RASAL2: variants seen among roughly 807,000 people sequenced by gnomAD.
RASAL2 encodes ras GTPase-activating protein nGAP.
In RASAL2, 58 loss-of-function variants were observed where a neutral mutation model predicts 128.9. The observed-to-expected ratio is 0.45, with a 90% CI of 0.36 to 0.56. The LOEUF (loss-of-function observed/expected upper bound fraction) is 0.56. Ranked by LOEUF, RASAL2 falls within the 20% of genes least tolerant of loss-of-function variation. The pLI is 0.00. For missense variants in RASAL2, 1,360 were observed against 1,601.6 expected (o/e 0.85, Z 2.57); for synonymous variants, 561 against 580.8 (o/e 0.97, Z 0.49).
At chr1:178,164,736 T>C (rs1452478459) in intron 1 of RASAL2, among the ~76,000 whole-genome samples, 10 of 151,714 alleles carry the variant, frequency 6.6e-5, no homozygotes, top group Non-Finnish European at 1.0e-4. Context: ...GGTGGAGTGA[T>C]ATGTTGTCAA....
intron 14 of RASAL2, among the ~76,000 whole-genome samples, chr1:178,458,942 G>C (rs78258029): frequency 0.024 from 3,613 of 152,126 alleles, 64 homozygotes; most frequent in Middle Eastern, 0.058. Context: ...CAGAATAAAG[G>C]TTTGCATTCC....
chr1:178,094,385 T>A lies in RASAL2; in HGVS notation c.-108T>A, dbSNP rs375763275. 140 of 1,096,268 alleles carry A rather than the reference T, an allele frequency of 1.3e-4. No individual in the cohort carries two copies. Among genetic ancestry groups the A allele is most frequent in the Middle Eastern group, 9.2e-4 (3 of 3,252 alleles). 67.9% of individuals were successfully genotyped at this position (1,096,268 alleles called of 1,614,324 possible). On this transcript the variant is annotated 5_prime_UTR_variant, in exon 1 of 18. Coordinates refer to ENST00000367649, the MANE Select transcript of RASAL2 (RefSeq NM_170692.4). ...CCGCGCCGGCTGCCGCTCGGGTCCC[T>A]GCCCTCGCTGCGCGCTCTCCTCCTC...
chr1:178,274,621 C>T (rs539628028), intron 1 of RASAL2, among the ~76,000 whole-genome samples: 1 of 152,250 alleles, frequency 6.6e-6, no homozygotes, highest in Admixed American at 6.5e-5. Context: ...GGGTCTTGCT[C>T]TGTCACCCAG....
intron 1 of RASAL2, among the ~76,000 whole-genome samples, chr1:178,137,667 G>A (rs986117779): frequency 2.0e-5 from 3 of 152,130 alleles, no homozygotes; most frequent in Admixed American, 2.0e-4. Flanking sequence ...AAAAGTTTTG[G>A]AATTTCATTT....
intron 1 of RASAL2, among the ~76,000 whole-genome samples, chr1:178,124,448 A>C (rs1659821961): frequency 6.6e-6 from 1 of 152,194 alleles, no homozygotes; most frequent in African/African-American, 2.4e-5. Context: ...AAGGGTAAGT[A>C]CCTAGGCTGA....
chr1:178,146,570 ATCT>A (rs1358085088), intron 1 of RASAL2, among the ~76,000 whole-genome samples: 1 of 152,364 alleles, frequency 6.6e-6, no homozygotes. Context: ...CTTGGAAAAC[ATCT>A]TCTTGTCTCA....
In RASAL2 at chr1:178,300,005, G is replaced by C; in HGVS notation, c.344G>C (p.Gly115Ala). The change falls in exon 3 of 18, where the codon GGG (glycine) becomes GCG (alanine). Residue 115 changes from glycine to alanine, a missense_variant. Around this residue, in one of 3 missense-constraint regions of RASAL2, gnomAD observed 617 missense variants for 714.2 expected, o/e 0.86. Coordinates refer to ENST00000367649, the MANE Select transcript of RASAL2 (RefSeq NM_170692.4). ...TTGATTAACTAGATACCTGTGGAAG[G>C]GGGACAGGAGCAGCAGACAGATTCC... is the stretch of plus-strand genomic sequence containing the variant. ...LNKEKEIPVE[G>A]GQEQQTDSTK... 5 of 1,613,762 alleles carry C rather than the reference G, an allele frequency of 3.1e-6. No homozygotes were observed. Among genetic ancestry groups the C allele is most frequent in the Non-Finnish European group, 4.2e-6 (5 of 1,179,896 alleles).
intron 1 of RASAL2, among the ~76,000 whole-genome samples, chr1:178,206,562 G>C (rs1663056344): frequency 6.6e-6 from 1 of 152,180 alleles, no homozygotes; most frequent in Admixed American, 6.5e-5. Context: ...GGCATAGAAA[G>C]CTTCCTGGCT....
chr1:178,329,209 A>G (rs1320704120), intron 3 of RASAL2, among the ~76,000 whole-genome samples: 1 of 152,210 alleles, frequency 6.6e-6, no homozygotes, highest in African/African-American at 2.4e-5. Context: ...AAAAAAGGTA[A>G]GGTAAAAGAT....
intron 1 of RASAL2, among the ~76,000 whole-genome samples, chr1:178,156,695 G>A (rs1185671979): frequency 1.3e-5 from 2 of 152,172 alleles, no homozygotes; most frequent in Non-Finnish European, 2.9e-5. Context: ...GACCTGTTGA[G>A]TAGACAGAGA....
At chr1:178,147,366 T>C (rs1045701559) in intron 1 of RASAL2, among the ~76,000 whole-genome samples, 1 of 151,588 alleles carries the variant, frequency 6.6e-6, no homozygotes, top group Non-Finnish European at 1.5e-5. Context: ...AGTGTGTGCC[T>C]GTAGTCCCAG....
intron 1 of RASAL2, among the ~76,000 whole-genome samples, chr1:178,278,188 G>A (rs1328492107): frequency 2.0e-5 from 3 of 152,108 alleles, no homozygotes; most frequent in Non-Finnish European, 4.4e-5. Context: ...TGAATTTCTG[G>A]TACCTCCACC....
chr1:178,276,837 A>G (rs1557871948), intron 1 of RASAL2, among the ~76,000 whole-genome samples: 1 of 152,164 alleles, frequency 6.6e-6, no homozygotes, highest in Non-Finnish European at 1.5e-5. Context: ...TTAAAAAAAT[A>G]AAGAACTGCC....
intron 2 of RASAL2, among the ~76,000 whole-genome samples, chr1:178,298,119 A>G (rs1667600528): frequency 6.6e-6 from 1 of 152,184 alleles, no homozygotes; most frequent in Non-Finnish European, 1.5e-5. Flanking sequence ...CTTTTAAGGC[A>G]GATACAGGAT....
chr1:178,372,938 A>G (rs947337471), intron 3 of RASAL2, among the ~76,000 whole-genome samples: 37 of 152,192 alleles, frequency 2.4e-4, no homozygotes, highest in African/African-American at 8.2e-4. Context: ...TTGTAAATCC[A>G]GTCATATCTT....
At chr1:178,230,501 T>C (rs1166834022) in intron 1 of RASAL2, among the ~76,000 whole-genome samples, 5 of 152,162 alleles carry the variant, frequency 3.3e-5, no homozygotes, top group Non-Finnish European at 7.3e-5. Context: ...TGGATGTGAG[T>C]AATATCTCAT....
Position 178,282,204 on chromosome 1 carries a change from C to T in RASAL2, c.203-1360C>T, listed in dbSNP as rs1318447145. Among the ~76,000 whole-genome samples the T allele has an allele frequency of 2.0e-5, 3 of 152,154 alleles. No individual in the cohort carries two copies. The East Asian group carries it at 5.8e-4, about 29-fold the overall frequency. ...CATGTCTAACCAAGCCCTAATAACACTGTTGGTTCTTGGACCTTGAATTAT... is the reference window on the plus strand; with the variant it reads ...CATGTCTAACCAAGCCCTAATAACATTGTTGGTTCTTGGACCTTGAATTAT... On this transcript the variant is annotated intron_variant, in intron 1 of 17. Coordinates refer to ENST00000367649, the MANE Select transcript of RASAL2 (RefSeq NM_170692.4).
At chr1:178,271,218 GTTCTTAGCTTTTCTCA>G (rs941210270) in intron 1 of RASAL2, among the ~76,000 whole-genome samples, 18 of 152,116 alleles carry the variant, frequency 1.2e-4, no homozygotes, top group Non-Finnish European at 4.4e-5. Flanking sequence ...AATTAGGTTG[GTTCTTAGCTTTTCTCA>G]TTCTTAACCT....
chr1:178,229,795 G>A (rs1558127233), intron 1 of RASAL2, among the ~76,000 whole-genome samples: 1 of 152,142 alleles, frequency 6.6e-6, no homozygotes, highest in Non-Finnish European at 1.5e-5. Flanking sequence ...GTTCAGTGTT[G>A]CTTTTAGTTT....
Sources: allele counts gnomAD v4.1 joint callset (sites outside exome capture counted in the v4.1 genomes callset), GRCh38; gene constraint gnomAD v4.1.1; regional missense constraint gnomAD v4.1.1; transcripts MANE v1.5; gene names NCBI Gene and HGNC (gene_info 2026-07-23, HGNC 2026-07-21).